LRRC71: variants seen among roughly 807,000 people sequenced by gnomAD.
LRRC71 encodes leucine rich repeat containing 71.
LRRC71 carries 54 observed loss-of-function variants against 66.6 expected under a neutral mutation model. The observed-to-expected ratio is 0.81, with a 90% CI of 0.65 to 1.02. The LOEUF is 1.02. Ranked by LOEUF, LRRC71 falls within the 50% of genes least tolerant of loss-of-function variation. The pLI, the probability that LRRC71 is intolerant of heterozygous loss-of-function variation, is 0.00. For missense variants in LRRC71, 724 were observed against 718.0 expected (o/e 1.01, Z -0.10); for synonymous variants, 323 against 303.9 (o/e 1.06, Z -0.65).
At position 156,930,567 on chromosome 1, in the gene LRRC71, G is replaced by C; in HGVS notation, c.1279G>C (p.Gly427Arg). Residue 427 changes from glycine to arginine, a missense_variant, in exon 12 of 15, where the codon GGG (glycine) becomes CGG (arginine). Gly to Arg is a moderately radical substitution (Grantham distance 125). Coordinates refer to ENST00000337428, the MANE Select transcript of LRRC71 (RefSeq NM_144702.3). ...IPEQKPSRAK[G>R]IKIGSREKRS... ...TGAACAGAAGCCAAGCAGGGCAAAA[G>C]GGATCAAGATCGGGAGCAGAGAGAA... 1 of 1,569,978 alleles carries C rather than the reference G, an allele frequency of 6.4e-7. No individual in the cohort carries two copies. The highest frequency in any genetic ancestry group is 8.6e-7 in the Non-Finnish European group (1 of 1,157,320).
chr1:156,930,136 A>G (rs564677350), intron 11 of LRRC71, among the ~76,000 whole-genome samples: 47 of 120,022 alleles, frequency 3.9e-4, no homozygotes, highest in African/African-American at 1.6e-3. Flanking sequence ...TCTGTTGCCC[A>G]GGCTGGAGTG....
chr1:156,932,256 A>T, intron 13 of LRRC71, 168 bp from the exon 14 acceptor site: 7 of 667,826 alleles, frequency 1.0e-5, no homozygotes, highest in Non-Finnish European at 1.9e-5. Flanking sequence ...AGAGATGGGG[A>T]GTGTGTGAGT....
intron 5 of LRRC71, 31 bp downstream of exon 5, chr1:156,925,046 G>A (rs1300448345): frequency 6.5e-7 from 1 of 1,550,032 alleles, no homozygotes; most frequent in South Asian, 1.2e-5. Context: ...CCTGTGCCTG[G>A]GAAGCCTGGC....
At chr1:156,938,273 G>C in the LRRC71 span, 1 of 698,092 alleles carries the variant, frequency 1.4e-6, no homozygotes, top group South Asian at 2.2e-5. Flanking sequence ...CCCGTCTTTA[G>C]AGCCAGATCT....
chr1:156,928,233 A>G (rs754937427), intron 9 of LRRC71, among the ~76,000 whole-genome samples: 3 of 152,214 alleles, frequency 2.0e-5, no homozygotes, highest in Non-Finnish European at 4.4e-5. Context: ...CAGAGATAGG[A>G]CACTAGATTG....
At chr1:156,927,313 G>A in intron 6 of LRRC71, 43 bp downstream of exon 6, 1 of 1,599,210 alleles carries the variant, frequency 6.3e-7, no homozygotes, top group Non-Finnish European at 8.6e-7. Context: ...GGCCTGTCTC[G>A]AAATTCCAAG....
downstream of LRRC71, among the ~76,000 whole-genome samples, chr1:156,937,922 T>C (rs760444913): frequency 5.9e-5 from 9 of 152,098 alleles, no homozygotes; most frequent in Non-Finnish European, 1.0e-4. Flanking sequence ...CTTCCATCCA[T>C]GCCACGATCC....
rs1169470376 is a variant in LRRC71, at chr1:156,928,022, C to T, written c.996+18C>T. On this transcript the variant is annotated intron_variant, in intron 9 of 14. Coordinates refer to ENST00000337428, the MANE Select transcript of LRRC71 (RefSeq NM_144702.3). The stretch of plus-strand genomic sequence containing the variant: ...CGCGATCGGTGAGGAGCTACCAGGC[C>T]CCAGGACCAGCCGAGAGCCCCTCTG... 1 of 1,575,990 alleles carries T rather than the reference C, an allele frequency of 6.3e-7. No individual in the cohort carries two copies. The highest frequency in any genetic ancestry group is 8.6e-7 in the Non-Finnish European group (1 of 1,162,100).
At chr1:156,937,666 C>T (rs2101755501), downstream of LRRC71, among the ~76,000 whole-genome samples, 1 of 152,326 alleles carries the variant, frequency 6.6e-6, no homozygotes, top group South Asian at 2.1e-4. Context: ...CCTAAAAGCC[C>T]TGCTCCCGAG....
intron 11 of LRRC71, among the ~76,000 whole-genome samples, chr1:156,930,032 T>TTTTCTTTCTC (rs1553189649): frequency 8.3e-6 from 1 of 120,016 alleles, no homozygotes; most frequent in African/African-American, 3.8e-5. Flanking sequence ...TTTCTTTTCT[T>TTTTCTTTCTC]TTTCTTTCTT....
chr1:156,931,838 G>C (rs1654413000), intron 12 of LRRC71, 78 bp from the exon 13 acceptor site: 7 of 1,164,634 alleles, frequency 6.0e-6, no homozygotes, highest in Non-Finnish European at 8.7e-6. Context: ...AAACATGTAT[G>C]TTGAATGAAT....
intron 8 of LRRC71, 43 bp from the exon 9 acceptor site, chr1:156,927,872 T>C (rs749900433): frequency 5.0e-6 from 8 of 1,610,686 alleles, no homozygotes; most frequent in Non-Finnish European, 6.8e-6. Context: ...GAGCCGACCC[T>C]GACTACCCAG....
In LRRC71 at chr1:156,924,516, G is replaced by A. The variant is rs1385901242; in HGVS notation, c.403G>A (p.Glu135Lys). The change falls in exon 3 of 15, where the codon GAG becomes AAG. Residue 135 changes from glutamate to lysine, a missense_variant. Glu to Lys is a moderately conservative substitution (Grantham distance 56). Transcript: ENST00000337428. The part of the protein sequence containing the change: ...RPTIQVELEQ[E>K]DSKSVKEIYI... ...CACCATCCAGGTGGAGCTGGAGCAG[G>A]AGGACAGCAAGTCAGTGAAGGAAAT... 6.4e-7 allele frequency: 1 copy of A among 1,551,360 alleles called. No individual in the cohort carries two copies. Among genetic ancestry groups the A allele is most frequent in the African/African-American group, 1.4e-5 (1 of 73,040 alleles).
chr1:156,931,939 G>A lies in LRRC71; in HGVS notation c.1353G>A (p.Val451=). 1 of 1,593,616 alleles carries A rather than the reference G, an allele frequency of 6.3e-7. No homozygotes were observed. The highest frequency in any genetic ancestry group is 8.5e-7 in the Non-Finnish European group (1 of 1,169,674). The part of the protein sequence containing the change: ...ESELVVEATE[V]VNPLLEPVEH... The stretch of plus-strand genomic sequence containing the variant: ...AGCTGGTTGTTGAGGCTACTGAGGT[G>A]GTCAACCCTCTCCTGGAGCCTGTGG... The change falls in exon 13 of 15, where the codon GTG becomes GTA. Residue 451 remains valine (V), a synonymous_variant. Transcript: ENST00000337428.
In LRRC71 at chr1:156,929,733, A is replaced by C. The variant is rs766607971; in HGVS notation, c.1240+4A>C. 5 of 1,557,966 alleles carry C rather than the reference A, an allele frequency of 3.2e-6. No individual in the cohort carries two copies. The East Asian group carries it at 9.7e-5, about 30-fold the overall frequency. On this transcript the variant is annotated splice_donor_region_variant and intron_variant, in intron 11 of 14. Coordinates refer to ENST00000337428, the MANE Select transcript of LRRC71 (RefSeq NM_144702.3). The stretch of plus-strand genomic sequence containing the variant: ...GCCACAAAGGCAGGCAAGGGGAGTA[A>C]GTGCGGGTGCCCCTGGGTGGCATCT...
chr1:156,930,531 GT>G lies in LRRC71; in HGVS notation c.1244del (p.Val415GlufsTer120), dbSNP rs1654207877. ...EDATKAGKGK[V>X]TIPEQKPSRA... ...TCTGGCTCCTCTTCTGGCCCCAGAG[GT>G]AACCATCCCTGAACAGAAGCCAAGC... On this transcript the variant is annotated frameshift_variant, in exon 12 of 15. Coordinates refer to ENST00000337428, the MANE Select transcript of LRRC71 (RefSeq NM_144702.3). LOFTEE classifies it high-confidence loss of function. The G allele has an allele frequency of 1.0e-5, 16 of 1,560,266 alleles. No homozygotes were observed. The highest frequency in any genetic ancestry group is 1.4e-5 in the Non-Finnish European group (16 of 1,152,008).
At chr1:156,940,869 G>T in the LRRC71 span, among the ~76,000 whole-genome samples, 2 of 152,124 alleles carry the variant, frequency 1.3e-5, no homozygotes, top group Non-Finnish European at 2.9e-5. Flanking sequence ...CAGGGACCCA[G>T]CCAGGAAACC....
At chr1:156,930,044 C>CTTTCTTTT (rs1553189668) in intron 11 of LRRC71, among the ~76,000 whole-genome samples, 8 of 127,966 alleles carry the variant, frequency 6.3e-5, no homozygotes, top group South Asian at 2.7e-4. Flanking sequence ...TTCTTTCTTT[C>CTTTCTTTT]TCTTTCTTTC....
intron 1 of LRRC71, among the ~76,000 whole-genome samples, chr1:156,923,651 G>A (rs1365134676): frequency 1.3e-5 from 2 of 152,182 alleles, no homozygotes; most frequent in African/African-American, 2.4e-5. Context: ...GCGGAAGCCC[G>A]GGCTGGGAGT....
Sources: allele counts gnomAD v4.1 joint callset (sites outside exome capture counted in the v4.1 genomes callset), GRCh38; gene constraint gnomAD v4.1.1; transcripts MANE v1.5; gene names NCBI Gene and HGNC (gene_info 2026-07-23, HGNC 2026-07-21).